The following DOK6 variants were observed in gnomAD, a reference collection of about 807,000 sequenced individuals.
The protein encoded by DOK6 is downstream of tyrosine kinase 6.
In DOK6, 22 loss-of-function variants were observed where a neutral mutation model predicts 44.0. That is an observed-to-expected ratio of 0.50 (90% confidence interval 0.36 to 0.71). The LOEUF (loss-of-function observed/expected upper bound fraction) is 0.71, where lower values mean the gene tolerates loss of function less well. Ranked by LOEUF, DOK6 falls within the 30% of genes least tolerant of loss-of-function variation. DOK6 has a pLI of 0.00. For synonymous variants in DOK6, 166 were observed against 145.5 expected (o/e 1.14, Z -1.01); for missense variants, 340 against 416.4 (o/e 0.82, Z 1.60).
At chr18:69,791,203 G>T (rs1038035079) in intron 7 of DOK6, among the ~76,000 whole-genome samples, 1 of 152,140 alleles carries the variant, frequency 6.6e-6, no homozygotes. Flanking sequence ...CAATAGGGCT[G>T]CAATAAACAT....
intron 1 of DOK6, among the ~76,000 whole-genome samples, chr18:69,557,394 C>G (rs567646614): frequency 6.6e-6 from 1 of 152,250 alleles, no homozygotes; most frequent in African/African-American, 2.4e-5. Context: ...CGGCTATGAA[C>G]TGAAGCCAAG....
intron 3 of DOK6, among the ~76,000 whole-genome samples, chr18:69,622,319 C>A (rs984896054): frequency 6.6e-6 from 1 of 152,184 alleles, no homozygotes; most frequent in African/African-American, 2.4e-5. Flanking sequence ...CCTGTGAATT[C>A]AAGCTTCGTA....
intron 1 of DOK6, among the ~76,000 whole-genome samples, chr18:69,485,679 G>A (rs1260683775): frequency 6.6e-6 from 1 of 152,052 alleles, no homozygotes; most frequent in Admixed American, 6.6e-5. Context: ...AGGGATTCTA[G>A]AATGCAATAC....
intron 7 of DOK6, among the ~76,000 whole-genome samples, chr18:69,823,443 C>A (rs1005381022): frequency 6.6e-6 from 1 of 152,076 alleles, no homozygotes; most frequent in African/African-American, 2.4e-5. Context: ...TGAGGGCGAG[C>A]ATTCCTAGTA....
At chr18:69,840,541 A>G (rs1641006306) in intron 7 of DOK6, among the ~76,000 whole-genome samples, 1 of 152,212 alleles carries the variant, frequency 6.6e-6, no homozygotes, top group African/African-American at 2.4e-5. Flanking sequence ...GCGATAGACT[A>G]TTTCTCATGC....
intron 1 of DOK6, among the ~76,000 whole-genome samples, chr18:69,476,703 A>G (rs2144526837): frequency 6.6e-6 from 1 of 152,350 alleles, no homozygotes; most frequent in South Asian, 2.1e-4. Context: ...CTTGAGGAGA[A>G]GAGGTAGCAG....
At chr18:69,818,402 T>C (rs1008788671) in intron 7 of DOK6, among the ~76,000 whole-genome samples, 1 of 152,132 alleles carries the variant, frequency 6.6e-6, no homozygotes, top group African/African-American at 2.4e-5. Context: ...GAGGCTTATT[T>C]CGAAGAACTG....
At chr18:69,455,165 A>G (rs945358448) in intron 1 of DOK6, among the ~76,000 whole-genome samples, 5 of 141,094 alleles carry the variant, frequency 3.5e-5, no homozygotes, top group African/African-American at 8.0e-5. Context: ...GCAAAAAAAA[A>G]AAAAAAAAAG....
chr18:69,408,784 A>G (rs547874482), intron 1 of DOK6, among the ~76,000 whole-genome samples: 1 of 152,210 alleles, frequency 6.6e-6, no homozygotes, highest in Admixed American at 6.5e-5. Context: ...TCTTAACTCA[A>G]GAGACTGGAT....
intron 7 of DOK6, among the ~76,000 whole-genome samples, chr18:69,767,938 T>C (rs1041972760): frequency 2.0e-5 from 3 of 152,210 alleles, no homozygotes; most frequent in African/African-American, 7.2e-5. Context: ...TTCCAGATGT[T>C]ACACTGGATT....
At chr18:69,513,926 T>C (rs530985092) in intron 1 of DOK6, among the ~76,000 whole-genome samples, 1 of 152,316 alleles carries the variant, frequency 6.6e-6, no homozygotes, top group Middle Eastern at 3.4e-3. Flanking sequence ...TTTAATAAAA[T>C]GTTAGGTATC....
At chr18:69,720,060 A>G (rs1402829222) in intron 5 of DOK6, among the ~76,000 whole-genome samples, 2 of 152,084 alleles carry the variant, frequency 1.3e-5, no homozygotes, top group Non-Finnish European at 2.9e-5. Context: ...GTGGTGGCAC[A>G]CCCTTGTAGT....
chr18:69,742,938 G>A (rs1978855162), intron 6 of DOK6, among the ~76,000 whole-genome samples: 1 of 152,152 alleles, frequency 6.6e-6, no homozygotes, highest in Non-Finnish European at 1.5e-5. Context: ...CAACTTATTG[G>A]AGTCGGCCCT....
At chr18:69,654,178 CA>C (rs1174853245) in intron 3 of DOK6, among the ~76,000 whole-genome samples, 10 of 151,726 alleles carry the variant, frequency 6.6e-5, no homozygotes, top group Non-Finnish European at 1.3e-4. Context: ...AAGAAAAGAG[CA>C]AAAAAATATA....
chr18:69,726,936 C>T (rs974579036), intron 5 of DOK6, among the ~76,000 whole-genome samples: 16 of 152,212 alleles, frequency 1.1e-4, no homozygotes, highest in African/African-American at 3.9e-4. Flanking sequence ...CTCACTGCAG[C>T]CTTGACCTCT....
intron 1 of DOK6, among the ~76,000 whole-genome samples, chr18:69,449,541 G>A (rs1979396223): frequency 6.6e-6 from 1 of 152,196 alleles, no homozygotes; most frequent in South Asian, 2.1e-4. Flanking sequence ...ATATAACCAT[G>A]TATGAAAATA....
At position 69,848,053 on chromosome 18, in the gene DOK6, ACACACACAC is replaced by A. The variant is rs1409189887; in HGVS notation, c.*6671_*6679del. ...CACACACACACACACACACACACAC[ACACACACAC>A]ATTTTTGGCTTTTGACCCACTCTGT... On this transcript the variant is annotated 3_prime_UTR_variant, in exon 8 of 8. Coordinates refer to ENST00000382713, the MANE Select transcript of DOK6 (RefSeq NM_152721.6). 6.8e-6 allele frequency: 1 copy of A among 146,784 alleles called. No homozygotes were observed. The highest frequency in any genetic ancestry group is 2.5e-5 in the African/African-American group (1 of 39,778). The allele number at this position is 146,784 out of a possible 1,614,324, so 9.1% of individuals were successfully genotyped here.
At chr18:69,532,724 T>C (rs1038706898) in intron 1 of DOK6, 1 of 152,124 alleles carries the variant, frequency 6.6e-6, no homozygotes. Flanking sequence ...TAGCTGGACA[T>C]GGTGTTCCTC....
chr18:69,413,302 G>T (rs1442595850), intron 1 of DOK6, among the ~76,000 whole-genome samples: 1 of 152,032 alleles, frequency 6.6e-6, no homozygotes, highest in Admixed American at 6.6e-5. Flanking sequence ...TCAGCAACAA[G>T]TAGATAGAAT....
Sources: allele counts gnomAD v4.1 joint callset (sites outside exome capture counted in the v4.1 genomes callset), GRCh38; gene constraint gnomAD v4.1.1; transcripts MANE v1.5; gene names NCBI Gene and HGNC (gene_info 2026-07-23, HGNC 2026-07-21).